ADAP2: variants seen among roughly 807,000 people sequenced by gnomAD.
The protein encoded by ADAP2 is arf-GAP with dual PH domain-containing protein 2.
In ADAP2, 42 loss-of-function variants were observed where a neutral mutation model predicts 54.9. The ratio of observed to expected loss-of-function variants is 0.77; its 90% CI spans 0.60 to 0.99. The LOEUF is 0.99. Ranked by LOEUF, ADAP2 falls within the 50% of genes least tolerant of loss-of-function variation. The pLI is 0.00. For missense variants in ADAP2, 429 were observed against 480.4 expected (o/e 0.89, Z 1.00); for synonymous variants, 177 against 180.1 (o/e 0.98, Z 0.14).
intron 3 of ADAP2, among the ~76,000 whole-genome samples, chr17:30,928,476 G>A (rs1911237056): frequency 6.6e-6 from 1 of 152,128 alleles, no homozygotes; most frequent in Non-Finnish European, 1.5e-5. Context: ...GCAACAGAGT[G>A]AGACTTTGTC....
At chr17:30,928,488 CA>C (rs540249192) in intron 3 of ADAP2, among the ~76,000 whole-genome samples, 6 of 148,834 alleles carry the variant, frequency 4.0e-5, no homozygotes, top group African/African-American at 7.4e-5. Flanking sequence ...GACTTTGTCT[CA>C]AAAAAAAAAT....
intron 5 of ADAP2, among the ~76,000 whole-genome samples, chr17:30,941,426 G>A (rs1912261784): frequency 6.6e-6 from 1 of 152,154 alleles, no homozygotes. Flanking sequence ...TTTTCTGAAA[G>A]CACCAGTGAT....
intron 7 of ADAP2, among the ~76,000 whole-genome samples, chr17:30,952,002 A>G (rs1904690718): frequency 6.6e-6 from 1 of 152,034 alleles, no homozygotes; most frequent in Admixed American, 6.6e-5. Context: ...TAAACTTCCC[A>G]TAGCTGTTCC....
At chr17:30,940,532 T>C (rs1912198780) in intron 5 of ADAP2, among the ~76,000 whole-genome samples, 1 of 152,118 alleles carries the variant, frequency 6.6e-6, no homozygotes, top group South Asian at 2.1e-4. Context: ...CTCGAACTCC[T>C]GACCTCAAGT....
At chr17:30,945,095 C>G (rs1912567502) in intron 6 of ADAP2, 42 bp downstream of exon 6, 1 of 1,604,852 alleles carries the variant, frequency 6.2e-7, no homozygotes, top group African/African-American at 1.3e-5. Context: ...CAGCTCGCAC[C>G]CCAGGACTTG....
At chr17:30,953,194 A>T in intron 7 of ADAP2, 94 bp from the exon 8 acceptor site, 1 of 1,119,964 alleles carries the variant, frequency 8.9e-7, no homozygotes, top group Non-Finnish European at 1.4e-6. Context: ...ATCCTTCCCC[A>T]TTTCAAACTT....
intron 5 of ADAP2, among the ~76,000 whole-genome samples, chr17:30,941,258 T>C (rs1912248671): frequency 6.6e-6 from 1 of 152,238 alleles, no homozygotes; most frequent in South Asian, 2.1e-4. Flanking sequence ...AATTATTGCT[T>C]CTCTTCAATT....
At chr17:30,951,713 T>C (rs1034004245) in intron 7 of ADAP2, among the ~76,000 whole-genome samples, 1 of 149,804 alleles carries the variant, frequency 6.7e-6, no homozygotes, top group Non-Finnish European at 1.5e-5. Context: ...CAGAGTGCAG[T>C]GGCGCCATCT....
In ADAP2 at chr17:30,934,259, G is replaced by A. The variant is rs752932884; in HGVS notation, c.472G>A (p.Ala158Thr). Residue 158 changes from alanine (A) to threonine (T), a missense_variant, in exon 5 of 11, where the codon GCA (alanine) becomes ACA (threonine). Ala to Thr is a moderately conservative substitution (Grantham distance 58). Transcript: ENST00000330889. ...QFLRRKFVLL[A>T]REGLLKYFTK... ...TCTGAGAAGGAAGTTTGTACTTCTG[G>A]CAAGAGAAGGCCTCCTGAAGTACTT... 2 of 1,614,016 alleles carry A rather than the reference G, an allele frequency of 1.2e-6. No homozygotes were observed. Among genetic ancestry groups the A allele is most frequent in the South Asian group, 2.2e-5 (2 of 91,066 alleles).
At chr17:30,943,205 A>C (rs1222523985) in intron 5 of ADAP2, among the ~76,000 whole-genome samples, 2 of 152,138 alleles carry the variant, frequency 1.3e-5, no homozygotes, top group Non-Finnish European at 2.9e-5. Flanking sequence ...GTCTCTACTA[A>C]AAATACAAAA....
chr17:30,922,824 C>T (rs1250148276), intron 1 of ADAP2, 116 bp from the exon 2 acceptor site: 2 of 1,230,564 alleles, frequency 1.6e-6, no homozygotes, highest in Non-Finnish European at 1.1e-6. Context: ...AGGCTGGCCG[C>T]TTAGTTCGCC....
chr17:30,923,064 TGTGGAGGTAGAAAGGCATGCCC>T lies in ADAP2; in HGVS notation c.225+1_225+22del. On this transcript the variant is annotated splice_donor_variant and splice_donor_5th_base_variant and coding_sequence_variant and intron_variant, in exon 2 of 11. Coordinates refer to ENST00000330889, the MANE Select transcript of ADAP2 (RefSeq NM_018404.3). LOFTEE classifies it high-confidence loss of function. ...GACTTGACTTCTGGGACGACAGTAT[TGTGGAGGTAGAAAGGCATGCCC>T]GTGGAGAGCCATGGAACTGCGGGAC... The T allele has an allele frequency of 3.1e-6, 5 of 1,613,596 alleles. No individual in the cohort carries two copies. Among genetic ancestry groups the T allele is most frequent in the Non-Finnish European group, 4.2e-6 (5 of 1,179,938 alleles).
chr17:30,950,127 C>T (rs1371972034), intron 7 of ADAP2, among the ~76,000 whole-genome samples: 1 of 152,204 alleles, frequency 6.6e-6, no homozygotes, highest in African/African-American at 2.4e-5. Context: ...AGGTGAATAA[C>T]CAAAGGTGTG....
intron 8 of ADAP2, chr17:30,954,123 A>C (rs1341518695): frequency 1.0e-5 from 2 of 192,884 alleles, no homozygotes; most frequent in East Asian, 2.5e-4. Context: ...GAATTTGGCC[A>C]AGGCCAGCAC....
Position 30,958,230 on chromosome 17 carries a change from A to T in ADAP2, c.*361A>T, listed in dbSNP as rs1465233969. The T allele has an allele frequency of 4.0e-6, 1 of 251,150 alleles. No homozygotes were observed. The highest frequency in any genetic ancestry group is 7.8e-6 in the Non-Finnish European group (1 of 127,440). 15.6% of individuals were successfully genotyped at this position (251,150 alleles called of 1,614,324 possible). On this transcript the variant is annotated 3_prime_UTR_variant, in exon 11 of 11. Transcript: ENST00000330889. ...TGGCATCTTGTAAAAAAAAAAAAAA[A>T]GTTTAATCTGAATCTAACCATGAGG... is the stretch of plus-strand genomic sequence containing the variant.
At chr17:30,926,740 C>A (rs891619151) in intron 2 of ADAP2, 87 bp from the exon 3 acceptor site, 2 of 1,218,866 alleles carry the variant, frequency 1.6e-6, no homozygotes, top group Non-Finnish European at 1.2e-6. Flanking sequence ...GCAGTTTCTT[C>A]TGACTCAGCC....
At chr17:30,931,739 TG>T (rs1911498198) in intron 3 of ADAP2, 149 bp from the exon 4 acceptor site, 1 of 512,682 alleles carries the variant, frequency 2.0e-6, no homozygotes, top group Non-Finnish European at 3.5e-6. Flanking sequence ...GAGGATCGCC[TG>T]GGCCTAGGAG....
At chr17:30,955,700 C>CAA (rs61109751) in intron 9 of ADAP2, among the ~76,000 whole-genome samples, 1 of 104,202 alleles carries the variant, frequency 9.6e-6, no homozygotes. Context: ...GACTCCGTCT[C>CAA]AAAAAAAAAA....
chr17:30,948,450 G>T (rs1904334655), intron 6 of ADAP2, among the ~76,000 whole-genome samples: 1 of 151,672 alleles, frequency 6.6e-6, no homozygotes, highest in Non-Finnish European at 1.5e-5. Flanking sequence ...GGCGCCTGTA[G>T]TCCCAGCTAC....
Sources: allele counts gnomAD v4.1 joint callset (sites outside exome capture counted in the v4.1 genomes callset), GRCh38; gene constraint gnomAD v4.1.1; transcripts MANE v1.5; gene names NCBI Gene and HGNC (gene_info 2026-07-23, HGNC 2026-07-21).